GFRA2: variants seen among roughly 807,000 people sequenced by gnomAD.
GFRA2 encodes the protein GDNF family receptor alpha-2.
GFRA2 carries 17 observed loss-of-function variants against 48.3 expected under a neutral mutation model. The ratio of observed to expected loss-of-function variants is 0.35; its 90% CI spans 0.24 to 0.53. The LOEUF (loss-of-function observed/expected upper bound fraction) is 0.53. Ranked by LOEUF, GFRA2 falls within the 20% of genes least tolerant of loss-of-function variation. The pLI is 0.93. For synonymous variants in GFRA2, 305 were observed against 257.2 expected (o/e 1.19, Z -1.78); for missense variants, 660 against 637.3 (o/e 1.04, Z -0.38).
chr8:21,791,889 T>A (rs367961189), upstream of GFRA2, among the ~76,000 whole-genome samples: 1,873 of 152,312 alleles, frequency 0.012, 33 homozygotes, highest in African/African-American at 0.042. Context: ...GAGGTAGTCA[T>A]AGGAAAATGT....
Position 21,788,555 on chromosome 8 carries a change from ATTT to A in GFRA2, c.-399_-397del. 1 of 1,011,392 alleles carries A rather than the reference ATTT, an allele frequency of 9.9e-7. No individual in the cohort carries two copies. The highest frequency in any genetic ancestry group is 1.2e-6 in the Non-Finnish European group (1 of 847,808). 62.7% of individuals were successfully genotyped at this position (1,011,392 alleles called of 1,614,324 possible). On this transcript the variant is annotated 5_prime_UTR_variant, in exon 1 of 9. Coordinates refer to ENST00000524240, the MANE Select transcript of GFRA2 (RefSeq NM_001495.5). The stretch of plus-strand genomic sequence containing the variant: ...GCCTGGGGAGGTGGGGAGAGAGGCG[ATTT>A]GCGAGTGAAGGGCTGGAAGGAAGCG...
intron 3 of GFRA2, among the ~76,000 whole-genome samples, chr8:21,753,818 A>T (rs901323229): frequency 3.3e-5 from 5 of 152,236 alleles, no homozygotes; most frequent in African/African-American, 1.2e-4. Flanking sequence ...TATTTCCATC[A>T]GCCAGCAAGG....
intron 2 of GFRA2, among the ~76,000 whole-genome samples, chr8:21,776,037 G>GTGTGTGTA (rs549952048): frequency 0.024 from 3,306 of 139,744 alleles, 119 homozygotes; most frequent in African/African-American, 0.046. Context: ...GTGTGTGTGT[G>GTGTGTGTA]TGTAGTGAAA....
intron 4 of GFRA2, among the ~76,000 whole-genome samples, chr8:21,728,123 C>T (rs890852175): frequency 2.0e-5 from 3 of 152,086 alleles, no homozygotes; most frequent in African/African-American, 7.2e-5. Flanking sequence ...ATTCCAGGTA[C>T]GGGCCCCAGT....
At chr8:21,747,923 C>G (rs965643412) in intron 4 of GFRA2, among the ~76,000 whole-genome samples, 2 of 152,050 alleles carry the variant, frequency 1.3e-5, no homozygotes, top group Admixed American at 1.3e-4. Context: ...CTCTGAAACC[C>G]CCTTCCCTTC....
At chr8:21,731,372 C>CA (rs1804183381) in intron 4 of GFRA2, among the ~76,000 whole-genome samples, 1 of 152,182 alleles carries the variant, frequency 6.6e-6, no homozygotes, top group Non-Finnish European at 1.5e-5. Context: ...AGCAAAGAAA[C>CA]AGAGGAATCT....
intron 4 of GFRA2, among the ~76,000 whole-genome samples, chr8:21,733,601 C>T (rs535926981): frequency 5.9e-5 from 9 of 152,276 alleles, no homozygotes; most frequent in Admixed American, 3.9e-4. Context: ...GAATAGGACC[C>T]GTGGCTGAGC....
At chr8:21,695,627 C>A (rs1378502158) in intron 7 of GFRA2, among the ~76,000 whole-genome samples, 1 of 152,126 alleles carries the variant, frequency 6.6e-6, no homozygotes, top group African/African-American at 2.4e-5. Context: ...CCAGCCAACT[C>A]CCCAGCTGTT....
chr8:21,782,528 C>G (rs902768483), intron 2 of GFRA2, 57 bp downstream of exon 2: 1 of 1,339,534 alleles, frequency 7.5e-7, no homozygotes, highest in East Asian at 2.5e-5. Context: ...GCCCGCCACA[C>G]GTCCTCTCTG....
At chr8:21,715,567 A>G (rs1278771300) in intron 4 of GFRA2, among the ~76,000 whole-genome samples, 1 of 152,086 alleles carries the variant, frequency 6.6e-6, no homozygotes, top group Non-Finnish European at 1.5e-5. Flanking sequence ...TTGGCCTCCC[A>G]AGGGCCAGGT....
At chr8:21,764,288 C>T (rs1806050688) in intron 3 of GFRA2, among the ~76,000 whole-genome samples, 1 of 152,086 alleles carries the variant, frequency 6.6e-6, no homozygotes, top group Admixed American at 6.5e-5. Context: ...TGGCTGTGTC[C>T]TCACTTGTTA....
At chr8:21,730,558 C>T (rs187196933) in intron 4 of GFRA2, among the ~76,000 whole-genome samples, 149 of 152,150 alleles carry the variant, frequency 9.8e-4, no homozygotes, top group African/African-American at 3.4e-3. Context: ...AAGGAGAGAC[C>T]CTCTCCTAAT....
chr8:21,711,774 G>C (rs1803047108), intron 4 of GFRA2, among the ~76,000 whole-genome samples: 1 of 151,288 alleles, frequency 6.6e-6, no homozygotes, highest in African/African-American at 2.4e-5. Flanking sequence ...GGAAAGGTCA[G>C]CAGATAAACA....
At chr8:21,735,762 G>T (rs956000708) in intron 4 of GFRA2, among the ~76,000 whole-genome samples, 1 of 151,958 alleles carries the variant, frequency 6.6e-6, no homozygotes, top group African/African-American at 2.4e-5. Context: ...GACCTCCAGG[G>T]CTCGAGCCGT....
At chr8:21,774,511 C>T (rs992855239) in intron 3 of GFRA2, among the ~76,000 whole-genome samples, 166 of 152,320 alleles carry the variant, frequency 1.1e-3, no homozygotes, top group African/African-American at 3.8e-3. Flanking sequence ...ACTGATGCGG[C>T]GTGCTGAGCA....
chr8:21,748,181 A>G (rs1019825534), intron 4 of GFRA2, among the ~76,000 whole-genome samples: 1 of 152,060 alleles, frequency 6.6e-6, no homozygotes, highest in Non-Finnish European at 1.5e-5. Context: ...TTCCAGCCTC[A>G]TTACTGAGGT....
At chr8:21,716,774 A>T (rs1023744498) in intron 4 of GFRA2, among the ~76,000 whole-genome samples, 3 of 152,226 alleles carry the variant, frequency 2.0e-5, no homozygotes, top group Non-Finnish European at 2.9e-5. Context: ...ACAGCCATGC[A>T]TGGAGATTTT....
Position 21,761,617 on chromosome 8 carries a change from T to C in GFRA2, c.440-10675A>G, listed in dbSNP as rs1377619632. The stretch of plus-strand genomic sequence containing the variant: ...GTGGATGAAAATACCCCTTGCAGTT[T>C]CCAATCCATAGTACACAGGCAATAA... On this transcript the variant is annotated intron_variant, in intron 3 of 8. Coordinates refer to ENST00000524240, the MANE Select transcript of GFRA2 (RefSeq NM_001495.5). Among the ~76,000 whole-genome samples the C allele has an allele frequency of 2.6e-5, 4 of 152,322 alleles. No homozygotes were observed. The East Asian group carries it at 7.7e-4, about 29-fold the overall frequency.
chr8:21,783,091 G>T, intron 1 of GFRA2, 192 bp from the exon 2 acceptor site: 1 of 706,370 alleles, frequency 1.4e-6, no homozygotes, highest in Non-Finnish European at 2.6e-6. Flanking sequence ...CTGGATGTAG[G>T]AGCAAGTTTT....
Sources: allele counts gnomAD v4.1 joint callset (sites outside exome capture counted in the v4.1 genomes callset), GRCh38; gene constraint gnomAD v4.1.1; transcripts MANE v1.5; gene names NCBI Gene and HGNC (gene_info 2026-07-23, HGNC 2026-07-21).